The following SGCD variants were observed in gnomAD, a reference collection of about 807,000 sequenced individuals.
The protein encoded by SGCD is sarcoglycan delta, also known as delta-sarcoglycan.
Under a neutral mutation model 36.6 loss-of-function variants are expected in SGCD, and 18 were observed. The ratio of observed to expected loss-of-function variants is 0.49; its 90% CI spans 0.34 to 0.73. The LOEUF (loss-of-function observed/expected upper bound fraction) is 0.73. SGCD is among the 30% of genes least tolerant of loss of function. SGCD has a pLI of 0.01. For synonymous variants in SGCD, 133 were observed against 130.6 expected (o/e 1.02, Z -0.12); for missense variants, 387 against 346.7 (o/e 1.12, Z -0.92).
intron 1 of SGCD, among the ~76,000 whole-genome samples, chr5:155,995,052 G>A (rs1241610747): frequency 1.3e-5 from 2 of 152,084 alleles, no homozygotes; most frequent in African/African-American, 4.8e-5. Context: ...AAAGGCCCAC[G>A]GGCCCTAGGT....
intron 1 of SGCD, among the ~76,000 whole-genome samples, chr5:156,114,421 T>C (rs1761862701): frequency 1.3e-5 from 2 of 152,094 alleles, no homozygotes; most frequent in Admixed American, 1.3e-4. Flanking sequence ...ATATCCCTTC[T>C]CTGATAATAG....
intron 3 of SGCD, among the ~76,000 whole-genome samples, chr5:156,264,833 C>T (rs1325020708): frequency 6.6e-6 from 1 of 152,042 alleles, no homozygotes; most frequent in African/African-American, 2.4e-5. Flanking sequence ...TTCCCCAGCA[C>T]CTAGAACAGT....
chr5:155,752,950 G>A, the SGCD span, among the ~76,000 whole-genome samples: 1 of 152,262 alleles, frequency 6.6e-6, no homozygotes, highest in East Asian at 1.9e-4. Context: ...ACTATGATTT[G>A]CATGCAGGTT....
chr5:156,598,488 G>A (rs1761029191), intron 6 of SGCD, among the ~76,000 whole-genome samples: 1 of 152,180 alleles, frequency 6.6e-6, no homozygotes, highest in Non-Finnish European at 1.5e-5. Flanking sequence ...GTTGCAGAGA[G>A]CCAAGATCGT....
rs561286639 is a variant in SGCD, at chr5:156,340,860, G to T, written c.4-3629G>T. Among the ~76,000 whole-genome samples, 890 of 152,252 alleles carry T rather than the reference G, an allele frequency of 5.8e-3. 8 individuals carry two copies. The highest frequency in any genetic ancestry group is 0.015 in the African/African-American group (644 of 41,550). On this transcript the variant is annotated intron_variant, in intron 2 of 8. Transcript: ENST00000337851. ...TATCTTTCAACATGTTTTAATTTTT[G>T]ATTAGAAAAATGAACGTACTCAGCA...
intron 1 of SGCD, among the ~76,000 whole-genome samples, chr5:156,008,323 C>T (rs549979292): frequency 3.2e-4 from 48 of 152,200 alleles, no homozygotes; most frequent in African/African-American, 7.7e-4. Context: ...TGATATGCTC[C>T]GATCTGCACA....
rs984395534 is a variant in SGCD at position 156,054,301 on chromosome 5, T to A, written c.-281-63577T>A. ...CTTTCCTTCTTTTTTTTTTTTTTTT[T>A]TTGAGACAGAGTCTCGCTCTGTGGC... On this transcript the variant is annotated intron_variant, in intron 1 of 9. Coordinates refer to the SGCD transcript ENST00000517913. Among the ~76,000 whole-genome samples the A allele has an allele frequency of 5.5e-4, 76 of 139,296 alleles. 7 individuals carry two copies. Among genetic ancestry groups the A allele is most frequent in the South Asian group, 1.6e-3 (7 of 4,424 alleles). The allele number at this position is 139,296 out of a possible 152,430, so 91.4% of individuals were successfully genotyped here.
At chr5:156,286,744 A>T (rs1766610692) in intron 3 of SGCD, among the ~76,000 whole-genome samples, 1 of 152,120 alleles carries the variant, frequency 6.6e-6, no homozygotes. Flanking sequence ...TACTGGGTGC[A>T]GCACACCAAC....
Position 155,966,935 on chromosome 5 carries a change from ATGTG to A in SGCD, c.-282+96531_-282+96534del, listed in dbSNP as rs145801010. On this transcript the variant is annotated intron_variant, in intron 1 of 9. Coordinates refer to the SGCD transcript ENST00000517913. ...TTTACAAAGGCCAATATAGGTTTTC[ATGTG>A]TGTGTGTGTGTGTGTGTGTATGTGT... 5.4e-4 allele frequency among the ~76,000 whole-genome samples: 80 copies of A among 148,284 alleles called. 1 individual carries two copies. Among genetic ancestry groups the A allele is most frequent in the Middle Eastern group, 6.9e-3 (2 of 290 alleles).
intron 7 of SGCD, among the ~76,000 whole-genome samples, chr5:156,650,715 A>G (rs1763425872): frequency 6.6e-6 from 1 of 151,976 alleles, no homozygotes; most frequent in South Asian, 2.1e-4. Flanking sequence ...TATGTACCAC[A>G]TTTTCTTTCT....
chr5:155,776,406 T>G, the SGCD span, among the ~76,000 whole-genome samples: 1 of 152,164 alleles, frequency 6.6e-6, no homozygotes, highest in African/African-American at 2.4e-5. Flanking sequence ...ACAGCTTTAC[T>G]GTGGGAAATA....
At chr5:155,853,709 A>G in the SGCD span, among the ~76,000 whole-genome samples, 67 of 152,340 alleles carry the variant, frequency 4.4e-4, no homozygotes, top group Non-Finnish European at 9.0e-4. Context: ...AATGAAAACA[A>G]AAAGGCAATA....
intron 3 of SGCD, among the ~76,000 whole-genome samples, chr5:156,464,408 G>C (rs1194150927): frequency 6.6e-6 from 1 of 151,868 alleles, no homozygotes; most frequent in Non-Finnish European, 1.5e-5. Flanking sequence ...ATTTAATAGA[G>C]ACAGGGTTTC....
intron 1 of SGCD, among the ~76,000 whole-genome samples, chr5:156,026,472 A>C (rs1354332133): frequency 6.6e-6 from 1 of 152,220 alleles, no homozygotes; most frequent in Non-Finnish European, 1.5e-5. Flanking sequence ...TCTTGGAACC[A>C]GTAGGGGACA....
At chr5:156,435,865 C>A (rs1275002456) in intron 3 of SGCD, among the ~76,000 whole-genome samples, 1 of 152,094 alleles carries the variant, frequency 6.6e-6, no homozygotes, top group African/African-American at 2.4e-5. Flanking sequence ...AGGGAGAAAC[C>A]CTTAACTCCC....
chr5:156,108,617 CTAATTG>C (rs1250528512), intron 1 of SGCD, among the ~76,000 whole-genome samples: 1 of 152,002 alleles, frequency 6.6e-6, no homozygotes, highest in African/African-American at 2.4e-5. Flanking sequence ...TATAAAACTC[CTAATTG>C]TATTTACTTT....
the SGCD span, among the ~76,000 whole-genome samples, chr5:155,841,866 G>C: frequency 1.3e-5 from 2 of 152,052 alleles, no homozygotes; most frequent in Non-Finnish European, 2.9e-5. Flanking sequence ...CCCTCTCCCA[G>C]TCCTGGCCAA....
intron 7 of SGCD, among the ~76,000 whole-genome samples, chr5:156,708,053 T>G (rs1455197226): frequency 6.6e-6 from 1 of 152,176 alleles, no homozygotes; most frequent in Non-Finnish European, 1.5e-5. Context: ...AAAGATTAAG[T>G]CTTGTGGTGC....
chr5:156,429,921 C>T (rs1371902770), intron 3 of SGCD, among the ~76,000 whole-genome samples: 1 of 152,050 alleles, frequency 6.6e-6, no homozygotes, highest in Non-Finnish European at 1.5e-5. Context: ...TTGTAGGTTA[C>T]CTGATGCTTT....
Sources: allele counts gnomAD v4.1 joint callset (sites outside exome capture counted in the v4.1 genomes callset), GRCh38; gene constraint gnomAD v4.1.1; transcripts MANE v1.5; gene names NCBI Gene and HGNC (gene_info 2026-07-23, HGNC 2026-07-21).